Variants in PLXNA4 observed in about 807,000 individuals in gnomAD.
PLXNA4 encodes plexin A4.
PLXNA4 carries 44 observed loss-of-function variants against 191.8 expected under a neutral mutation model. The ratio of observed to expected loss-of-function variants is 0.23; its 90% CI spans 0.18 to 0.29. The LOEUF is 0.29. PLXNA4 is among the 10% of genes least tolerant of loss of function. The pLI is 1.00. For synonymous variants in PLXNA4, 1,082 were observed against 1,009.5 expected (o/e 1.07, Z -1.36); for missense variants, 1,800 against 2,488.8 (o/e 0.72, Z 5.89).
chr7:132,200,406 G>A (rs1418215982), intron 12 of PLXNA4, among the ~76,000 whole-genome samples: 1 of 152,176 alleles, frequency 6.6e-6, no homozygotes, highest in African/African-American at 2.4e-5. Context: ...GCCCAGGTAT[G>A]GGGTCAGGGG....
intron 21 of PLXNA4, among the ~76,000 whole-genome samples, chr7:132,173,271 G>T (rs560550961): frequency 6.6e-6 from 1 of 152,184 alleles, no homozygotes; most frequent in Non-Finnish European, 1.5e-5. Flanking sequence ...GAGTAGGACT[G>T]GGGGAGGAGC....
At chr7:132,276,111 A>G (rs1458639665) in intron 4 of PLXNA4, among the ~76,000 whole-genome samples, 1 of 152,126 alleles carries the variant, frequency 6.6e-6, no homozygotes. Context: ...TTGGTTATTT[A>G]TTCTCTGCTG....
chr7:132,318,468 C>T (rs1311236036), intron 3 of PLXNA4, among the ~76,000 whole-genome samples: 1 of 152,122 alleles, frequency 6.6e-6, no homozygotes, highest in Non-Finnish European at 1.5e-5. Context: ...TTCCTCCCTC[C>T]CTGCTTTCCC....
In PLXNA4 at chr7:132,203,291, C is replaced by G. The variant is rs1338880379; in HGVS notation, c.2395+32G>C. On this transcript the variant is annotated intron_variant, in intron 11 of 31. Transcript: ENST00000321063. ...CCCTCTCTACCCCATCCCTTCCCCT[C>G]CCTCCCCTGCTAGGCCCCAGCCCTT... 10 of 1,524,858 alleles carry G rather than the reference C, an allele frequency of 6.6e-6. No homozygotes were observed. The Middle Eastern group carries it at 8.5e-4, about 130-fold the overall frequency. The allele number at this position is 1,524,858 out of a possible 1,614,324, so 94.5% of individuals were successfully genotyped here.
At chr7:132,294,187 G>C (rs1800992955) in intron 4 of PLXNA4, among the ~76,000 whole-genome samples, 1 of 152,206 alleles carries the variant, frequency 6.6e-6, no homozygotes, top group South Asian at 2.1e-4. Flanking sequence ...GCAATCTAGA[G>C]TTTTACCTGT....
intron 27 of PLXNA4, 58 bp downstream of exon 27, chr7:132,147,842 C>T: frequency 1.2e-6 from 2 of 1,610,616 alleles, no homozygotes; most frequent in Non-Finnish European, 1.7e-6. Flanking sequence ...ATGCTGCTGT[C>T]ATGACAACAG....
Position 132,181,425 on chromosome 7 carries a change from A to G in PLXNA4, c.3448T>C (p.Ser1150Pro). ...PNPVFEAFGP[S>P]GILELKPGTP... is the part of the protein sequence containing the mutation. ...CCAGGCTTGAGCTCCAGGATTCCTG[A>G]GGGACCAAAGGCCTCAAACACCGGG... Residue 1150 changes from serine to proline, a missense_variant, in exon 18 of 32, where the codon TCA (serine) becomes CCA (proline). Physicochemically the swap from Ser to Pro is moderately conservative, Grantham distance 74 (BLOSUM62 -1). Transcript: ENST00000321063. 6.2e-7 allele frequency: 1 copy of G among 1,613,890 alleles called. No homozygotes were observed. Among genetic ancestry groups the G allele is most frequent in the South Asian group, 1.1e-5 (1 of 91,066 alleles).
intron 2 of PLXNA4, among the ~76,000 whole-genome samples, chr7:132,594,914 GATA>G (rs1160511397): frequency 1.2e-3 from 10 of 8,410 alleles, no homozygotes; most frequent in African/African-American, 3.7e-3. Context: ...TAGATAGGTA[GATA>G]GATAGATAGA....
In PLXNA4 at chr7:132,541,130, G is replaced by A. The variant is rs183627604; in HGVS notation, c.-86-32351C>T. Among the ~76,000 whole-genome samples, 8 of 152,314 alleles carry A rather than the reference G, an allele frequency of 5.3e-5. No individual in the cohort carries two copies. The East Asian group carries it at 9.7e-4, about 18-fold the overall frequency. ...AACAGCAGCACACAAAAGCATGCAC[G>A]ATTCACAGGTTTCCCGAAGCACTGG... On this transcript the variant is annotated intron_variant, in intron 1 of 31. Transcript: ENST00000321063.
At chr7:132,279,939 T>G (rs1025551024) in intron 4 of PLXNA4, among the ~76,000 whole-genome samples, 2 of 152,202 alleles carry the variant, frequency 1.3e-5, no homozygotes, top group African/African-American at 4.8e-5. Context: ...TGACTTTCAT[T>G]TTGACCATGA....
intron 3 of PLXNA4, among the ~76,000 whole-genome samples, chr7:132,411,864 T>TAC: frequency 6.6e-6 from 1 of 152,156 alleles, no homozygotes; most frequent in African/African-American, 2.4e-5. Context: ...TCCCAAATTC[T>TAC]ACGTCCAATC....
chr7:132,227,012 C>T (rs1798347136), intron 7 of PLXNA4, among the ~76,000 whole-genome samples: 4 of 152,234 alleles, frequency 2.6e-5, no homozygotes. Flanking sequence ...ACAGGCAGCT[C>T]TGGGGAGACC....
chr7:132,498,210 T>A (rs1157459343), intron 2 of PLXNA4, among the ~76,000 whole-genome samples: 1 of 152,218 alleles, frequency 6.6e-6, no homozygotes, highest in East Asian at 1.9e-4. Flanking sequence ...TTATGATTAT[T>A]ATTACTGTTA....
intron 2 of PLXNA4, among the ~76,000 whole-genome samples, chr7:132,629,207 C>T (rs750966709): frequency 5.3e-5 from 8 of 152,164 alleles, no homozygotes; most frequent in African/African-American, 7.2e-5. Flanking sequence ...TTCCAGGAAG[C>T]TGAATGGAAG....
At chr7:132,327,645 A>G (rs1802425955) in intron 3 of PLXNA4, among the ~76,000 whole-genome samples, 1 of 152,192 alleles carries the variant, frequency 6.6e-6, no homozygotes, top group Non-Finnish European at 1.5e-5. Context: ...GGGTTCTCGG[A>G]CACAGAGGTG....
intron 2 of PLXNA4, among the ~76,000 whole-genome samples, chr7:132,616,268 A>G (rs1044224197): frequency 6.6e-6 from 1 of 152,180 alleles, no homozygotes; most frequent in African/African-American, 2.4e-5. Flanking sequence ...GAGAGGAGAA[A>G]ATGTATTCAG....
At chr7:132,413,003 A>G (rs1794521379) in intron 3 of PLXNA4, among the ~76,000 whole-genome samples, 2 of 140,556 alleles carry the variant, frequency 1.4e-5, no homozygotes, top group African/African-American at 6.5e-5. Context: ...CTTTAGAAAC[A>G]AAGTCACTTG....
intron 3 of PLXNA4, among the ~76,000 whole-genome samples, chr7:132,440,233 A>C (rs1006826916): frequency 5.9e-5 from 9 of 152,224 alleles, no homozygotes; most frequent in Non-Finnish European, 1.3e-4. Context: ...TTGCACAGAC[A>C]AACACCTGGA....
At position 132,164,070 on chromosome 7, in the gene PLXNA4, C is replaced by T. The variant is rs1010488613; in HGVS notation, c.4500+72G>A. 23 of 1,592,600 alleles carry T rather than the reference C, an allele frequency of 1.4e-5. No individual in the cohort carries two copies. In the African/African-American group the frequency reaches 3.0e-4, roughly 20 times the overall value. Reference sequence around the variant, plus strand: ...CTGTTCAGCCTTTCAGCCATCTCCACTGCTGAGCAGGGCTACCCAGGATGG... The same window carrying T: ...CTGTTCAGCCTTTCAGCCATCTCCATTGCTGAGCAGGGCTACCCAGGATGG... On this transcript the variant is annotated intron_variant, in intron 24 of 31. Transcript: ENST00000321063.
Sources: allele counts gnomAD v4.1 joint callset (sites outside exome capture counted in the v4.1 genomes callset), GRCh38; gene constraint gnomAD v4.1.1; transcripts MANE v1.5; gene names NCBI Gene and HGNC (gene_info 2026-07-23, HGNC 2026-07-21).